PCDHGB4: variants seen among roughly 807,000 people sequenced by gnomAD.
PCDHGB4 encodes the protein protocadherin gamma-B4.
Under a neutral mutation model 60.5 loss-of-function variants are expected in PCDHGB4, and 38 were observed. The ratio of observed to expected loss-of-function variants is 0.63; its 90% CI spans 0.48 to 0.82. The LOEUF (loss-of-function observed/expected upper bound fraction) is 0.82, where lower values mean the gene tolerates loss of function less well. Among genes scored for constraint, PCDHGB4 ranks in the 40% least tolerant of loss-of-function variants. The pLI, the probability that PCDHGB4 is intolerant of heterozygous loss-of-function variation, is 0.00. For missense variants in PCDHGB4, 1,109 were observed against 1,209.6 expected (o/e 0.92, Z 1.23); for synonymous variants, 456 against 509.7 (o/e 0.89, Z 1.42).
intron 1 of PCDHGB4, among the ~76,000 whole-genome samples, chr5:141,457,477 C>A (rs964080100): frequency 2.0e-5 from 3 of 152,134 alleles, no homozygotes; most frequent in African/African-American, 7.2e-5. Context: ...TAAGCAGGGC[C>A]AGGGTTAGTC....
rs115262984 is a variant in PCDHGB4 at position 141,463,089 on chromosome 5, C to T, written c.2398-31718C>T. ...AATGAAATTCAAACATTTTCCAGCC[C>T]TATGTGACCATCAAGAATTCAGCTA... On this transcript the variant is annotated intron_variant, in intron 1 of 3. Coordinates refer to ENST00000519479, the MANE Select transcript of PCDHGB4 (RefSeq NM_003736.4). Among the ~76,000 whole-genome samples the T allele has an allele frequency of 2.5e-3, 374 of 152,264 alleles. 2 individuals are homozygous for T. Among genetic ancestry groups the T allele is most frequent in the African/African-American group, 8.7e-3 (360 of 41,552 alleles).
Position 141,485,274 on chromosome 5 carries a change from C to G in PCDHGB4, c.2398-9533C>G. 2 of 1,614,106 alleles carry G rather than the reference C, an allele frequency of 1.2e-6. No homozygotes were observed. Among genetic ancestry groups the G allele is most frequent in the Non-Finnish European group, 1.7e-6 (2 of 1,179,964 alleles). On this transcript the variant is annotated intron_variant, in intron 1 of 3. Transcript: ENST00000519479. The surrounding 1 kb of genome is among the most constrained non-coding windows in gnomAD (Gnocchi z 5.7). ...TACGTTTGTGGGCAGATCCGCTACC[C>G]GGTCCCAGAGGAGTCACAGGAAGGG...
chr5:141,501,025 C>T (rs999221755), intron 2 of PCDHGB4, among the ~76,000 whole-genome samples: 94 of 152,100 alleles, frequency 6.2e-4, no homozygotes, highest in East Asian at 1.9e-3. Flanking sequence ...CGCGCCACCA[C>T]GCCCAGCTAA....
chr5:141,405,587 G>T, intron 1 of PCDHGB4: 1 of 585,648 alleles, frequency 1.7e-6, no homozygotes, highest in Non-Finnish European at 3.0e-6. Flanking sequence ...TGGGACTACA[G>T]GCCTCCCAAG....
chr5:141,394,625 G>A, intron 1 of PCDHGB4: 1 of 1,613,496 alleles, frequency 6.2e-7, no homozygotes, highest in African/African-American at 1.3e-5. Flanking sequence ...ACGCCTGGCT[G>A]TCCTACCGCC....
chr5:141,464,572 A>G (rs912710973), intron 1 of PCDHGB4, among the ~76,000 whole-genome samples: 5 of 152,148 alleles, frequency 3.3e-5, no homozygotes, highest in African/African-American at 1.2e-4. Flanking sequence ...CTACAAATAG[A>G]TGAGAATGTC....
intron 1 of PCDHGB4, among the ~76,000 whole-genome samples, chr5:141,449,081 C>T (rs2098627623): frequency 6.6e-6 from 1 of 152,180 alleles, no homozygotes; most frequent in South Asian, 2.1e-4. Flanking sequence ...CCTGTACCTA[C>T]ATCAGTTTTT....
chr5:141,423,806 T>C (rs2096783171), intron 1 of PCDHGB4: 1 of 1,251,576 alleles, frequency 8.0e-7, no homozygotes, highest in Non-Finnish European at 1.0e-6. Flanking sequence ...GCAATACATG[T>C]GAGTTTTACT....
At chr5:141,413,035 C>A (rs1481573261) in intron 1 of PCDHGB4, 2 of 800,134 alleles carry the variant, frequency 2.5e-6, no homozygotes, top group African/African-American at 1.7e-5. Context: ...AAACCGGCTG[C>A]TGGGCTGCAG....
At position 141,490,258 on chromosome 5, in the gene PCDHGB4, G is replaced by A. The variant is rs776865457; in HGVS notation, c.2398-4549G>A. Reference sequence around the variant, plus strand: ...GGGCCACTGTGTGATTCAAGTGGATGTGGGGGATGTCAATGACAATGCCCC... The same window carrying A: ...GGGCCACTGTGTGATTCAAGTGGATATGGGGGATGTCAATGACAATGCCCC... On this transcript the variant is annotated intron_variant, in intron 1 of 3. Transcript: ENST00000519479. The surrounding 1 kb of genome is among the most constrained non-coding windows in gnomAD (Gnocchi z 5.4). 6.2e-7 allele frequency: 1 copy of A among 1,614,136 alleles called. No homozygotes were observed.
Position 141,389,880 on chromosome 5 carries a change from T to C in PCDHGB4, c.1996T>C (p.Leu666=). 1 of 1,614,080 alleles carries C rather than the reference T, an allele frequency of 6.2e-7. No individual in the cohort carries two copies. The highest frequency in any genetic ancestry group is 8.5e-7 in the Non-Finnish European group (1 of 1,179,908). Residue 666 remains leucine (L), a synonymous_variant, in exon 1 of 4, where the codon TTG becomes CTG. Coordinates refer to ENST00000519479, the MANE Select transcript of PCDHGB4 (RefSeq NM_003736.4). The part of the protein sequence containing the change: ...ATLHLVFADS[L]QEVLPDITDR... ...GTTGCACCTGGTCTTCGCCGACAGC[T>C]TGCAGGAGGTGCTGCCGGATATCAC...
chr5:141,421,885 G>T, intron 1 of PCDHGB4: 1 of 1,613,692 alleles, frequency 6.2e-7, no homozygotes, highest in Non-Finnish European at 8.5e-7. Context: ...AGATGGAGGC[G>T]ATCCCATCCG....
At chr5:141,470,173 A>G (rs527296791) in intron 1 of PCDHGB4, among the ~76,000 whole-genome samples, 1 of 152,342 alleles carries the variant, frequency 6.6e-6, no homozygotes, top group South Asian at 2.1e-4. Context: ...AAGTATGCAA[A>G]ATATTCAAGT....
At position 141,432,644 on chromosome 5, in the gene PCDHGB4, G is replaced by A; in HGVS notation, c.2397+42363G>A. The A allele has an allele frequency of 1.2e-6, 2 of 1,613,812 alleles. No homozygotes were observed. The highest frequency in any genetic ancestry group is 1.7e-6 in the Non-Finnish European group (2 of 1,179,942). ...TCTGCACACGGGCGAGGTGCGCACG[G>A]CGCGAGCCCTGCTGGACAGAGACGC... On this transcript the variant is annotated intron_variant, in intron 1 of 3. Coordinates refer to ENST00000519479, the MANE Select transcript of PCDHGB4 (RefSeq NM_003736.4). The surrounding 1 kb of genome is among the most constrained non-coding windows in gnomAD (Gnocchi z 6.0).
chr5:141,395,483 AT>A lies in PCDHGB4; in HGVS notation c.2397+5204del, dbSNP rs2093238640. ...TTAAGCCTTCCAGTATTTTATTCCT[AT>A]TATCACTCATTCACTTAAGAAGTAG... On this transcript the variant is annotated intron_variant, in intron 1 of 3. Transcript: ENST00000519479. The A allele has an allele frequency of 5.8e-6, 3 of 512,838 alleles. No individual in the cohort carries two copies. The South Asian group carries it at 8.4e-5, about 14-fold the overall frequency. The allele number at this position is 512,838 out of a possible 1,614,324, so 31.8% of individuals were successfully genotyped here.
intron 1 of PCDHGB4, among the ~76,000 whole-genome samples, chr5:141,468,798 G>A (rs895012127): frequency 7.9e-5 from 12 of 151,646 alleles, no homozygotes; most frequent in East Asian, 2.0e-4. Context: ...CCCGGGAGGC[G>A]GAACTTGCAG....
At chr5:141,414,290 T>C (rs781378958) in intron 1 of PCDHGB4, 1 of 1,613,272 alleles carries the variant, frequency 6.2e-7, no homozygotes, top group Admixed American at 1.7e-5. Context: ...GTCGTAGCCC[T>C]TTTAAATGTG....
At chr5:141,494,569 T>G (rs1341706026) in intron 1 of PCDHGB4, among the ~76,000 whole-genome samples, 2 of 152,190 alleles carry the variant, frequency 1.3e-5, no homozygotes, top group Non-Finnish European at 2.9e-5. Flanking sequence ...GAAAGGAGTC[T>G]CAGCTTGCTC....
chr5:141,494,985 C>A, intron 2 of PCDHGB4, 120 bp downstream of exon 2: 1 of 1,559,680 alleles, frequency 6.4e-7, no homozygotes. Context: ...AGTTTGAGAT[C>A]CCAGGGAGGT....
Sources: gnomAD v4.1 joint callset for allele counts (sites outside exome capture counted in the v4.1 genomes callset) on GRCh38, gnomAD v4.1.1 for gene constraint, Gnocchi (gnomAD v3.1) non-coding constraint, MANE v1.5 for transcripts, NCBI Gene and HGNC (gene_info 2026-07-23, HGNC 2026-07-21) for gene names.